SORBS3: variants seen among roughly 807,000 people sequenced by gnomAD.
SORBS3 encodes sorbin and SH3 domain containing 3.
Under a neutral mutation model 98.0 loss-of-function variants are expected in SORBS3, and 69 were observed. The ratio of observed to expected loss-of-function variants is 0.70; its 90% CI spans 0.58 to 0.86. SORBS3 has a LOEUF of 0.86. Ranked by LOEUF, SORBS3 falls within the 40% of genes least tolerant of loss-of-function variation. The pLI, the probability that SORBS3 is intolerant of heterozygous loss-of-function variation, is 0.00. For missense variants in SORBS3, 954 were observed against 908.5 expected (o/e 1.05, Z -0.64); for synonymous variants, 394 against 355.4 (o/e 1.11, Z -1.22).
At chr8:22,548,080 A>G (rs376844387), upstream of SORBS3, among the ~76,000 whole-genome samples, 6 of 152,256 alleles carry the variant, frequency 3.9e-5, no homozygotes, top group East Asian at 1.2e-3. Context: ...CCCAATACCC[A>G]TCATACTTGA....
intron 4 of SORBS3, 44 bp downstream of exon 4, chr8:22,556,952 T>C (rs1359862103): frequency 6.2e-7 from 1 of 1,600,520 alleles, no homozygotes; most frequent in Admixed American, 1.7e-5. Flanking sequence ...GGCCCAGGGA[T>C]CTACAGGGAG....
intron 7 of SORBS3, among the ~76,000 whole-genome samples, chr8:22,562,875 T>G (rs1003025041): frequency 6.6e-5 from 10 of 152,150 alleles, no homozygotes; most frequent in African/African-American, 2.4e-4. Context: ...CCAGCACTTT[T>G]GGAGGCTGAG....
At chr8:22,559,682 A>C (rs982835089) in intron 5 of SORBS3, among the ~76,000 whole-genome samples, 2 of 146,612 alleles carry the variant, frequency 1.4e-5, no homozygotes, top group Non-Finnish European at 1.5e-5. Context: ...CAGCCTGGGC[A>C]ATAGAGCAAG....
chr8:22,572,507 T>C (rs1840615670), intron 20 of SORBS3, 61 bp downstream of exon 20: 2 of 1,304,424 alleles, frequency 1.5e-6, no homozygotes, highest in South Asian at 2.4e-5. Flanking sequence ...TGGGGTGCTG[T>C]TGCCTGCCAG....
In SORBS3 at chr8:22,571,083, T is replaced by A. The variant is rs768548860; in HGVS notation, c.1605T>A (p.Ala535=). 5.6e-6 allele frequency: 9 copies of A among 1,611,696 alleles called. No homozygotes were observed. In the South Asian group the frequency reaches 9.9e-5, roughly 18 times the overall value. The change falls in exon 18 of 21, where the codon GCT becomes GCA. Residue 535 remains alanine (A), a synonymous_variant. Coordinates refer to ENST00000240123, the MANE Select transcript of SORBS3 (RefSeq NM_005775.5). Reference sequence around the variant, plus strand: ...TCCCCACGTCTCCCCGCCTGACCGCTGCCGCCCGCTCAGCCCGTCACCCCA... The same window carrying A: ...TCCCCACGTCTCCCCGCCTGACCGCAGCCGCCCGCTCAGCCCGTCACCCCA... ...PQLPTSPRLT[A]AARSARHPSS... is the part of the protein sequence containing the mutation.
chr8:22,546,074 T>C (rs1434670861), intron 1 of SORBS3, among the ~76,000 whole-genome samples: 2 of 152,226 alleles, frequency 1.3e-5, no homozygotes, highest in African/African-American at 4.8e-5. Context: ...TTGCTTGTGC[T>C]TAGAGATTGC....
chr8:22,565,014 C>A (rs1840375348), intron 10 of SORBS3: 1 of 1,390,594 alleles, frequency 7.2e-7, no homozygotes, highest in Non-Finnish European at 9.3e-7. Context: ...CAGAAACTGG[C>A]AGGACTGCGG....
intron 1 of SORBS3, among the ~76,000 whole-genome samples, chr8:22,553,242 A>G (rs1325700794): frequency 2.0e-5 from 3 of 151,958 alleles, no homozygotes; most frequent in Admixed American, 6.5e-5. Flanking sequence ...CCCAGAAGTC[A>G]TATTCGCAGC....
At position 22,571,145 on chromosome 8, in the gene SORBS3, T is replaced by C. The variant is rs2449331; in HGVS notation, c.1667T>C (p.Ile556Thr). 0.95 allele frequency: 1,513,791 copies of C among 1,596,578 alleles called. 719,426 individuals carry two copies. The highest frequency in any genetic ancestry group is 1 in the East Asian group (44,573 of 44,580). ...GCCCTGCGCAGCCCAGCTGACCCCA[T>C]CGACTTGGGGGGACAGACCTCCCCC... ...PSALRSPADP[I>T]DLGGQTSPRR... is the part of the protein sequence containing the mutation. The change falls in exon 18 of 21, where the codon ATC becomes ACC. Residue 556 changes from isoleucine (I) to threonine (T), a missense_variant. By Grantham distance (89) the Ile-to-Thr change is moderately conservative. Transcript: ENST00000240123.
At position 22,571,647 on chromosome 8, in the gene SORBS3, T is replaced by C. The variant is rs572182794; in HGVS notation, c.1744-71T>C. The C allele has an allele frequency of 9.5e-4, 1,160 of 1,226,346 alleles. 17 individuals are homozygous for C. In the South Asian group the frequency reaches 0.013, roughly 14 times the overall value. 76.0% of individuals were successfully genotyped at this position (1,226,346 alleles called of 1,614,324 possible). A position where few individuals can be genotyped will look rare whatever the true frequency, so the allele number is the denominator to read the frequency against. ...GGACTGGGAACGCCCATTTTGGGCCTCCTCCCTCAGGCTTACATGTACCCA... is the reference window on the plus strand; with the variant it reads ...GGACTGGGAACGCCCATTTTGGGCCCCCTCCCTCAGGCTTACATGTACCCA... On this transcript the variant is annotated intron_variant, in intron 18 of 20. Transcript: ENST00000240123.
rs199563026 is a variant in SORBS3 at position 22,571,034 on chromosome 8, G to A, written c.1556G>A (p.Arg519Gln). 61 of 1,613,454 alleles carry A rather than the reference G, an allele frequency of 3.8e-5. No homozygotes were observed. The highest frequency in any genetic ancestry group is 3.7e-4 in the South Asian group (34 of 91,064). ...CAGGTGTCTCGTGAACCCCGGCTCC[G>A]GCTCTGTGACGACGGCCCCCAGCTC... ...YVQVSREPRL[R>Q]LCDDGPQLPT... Residue 519 changes from arginine to glutamine, a missense_variant, in exon 18 of 21, where the codon CGG becomes CAG. Arg to Gln is a conservative substitution (Grantham distance 43, BLOSUM62 1). Transcript: ENST00000240123.
chr8:22,572,393 G>C lies in SORBS3; in HGVS notation c.1901G>C (p.Arg634Pro), dbSNP rs139476388. 6.5e-5 allele frequency: 105 copies of C among 1,613,964 alleles called. No homozygotes were observed. The highest frequency in any genetic ancestry group is 1.6e-4 in the Middle Eastern group (1 of 6,084). ...CAGAACGAAGACGAGCTGGAGCTGC[G>C]CGAGGGGGACAGGGTGGATGTCATG... Reference protein sequence around the residue: ...RPQNEDELELREGDRVDVMQQ... With the variant: ...RPQNEDELELPEGDRVDVMQQ... The change falls in exon 20 of 21, where the codon CGC becomes CCC. Residue 634 changes from arginine to proline, a missense_variant. Physicochemically the swap from Arg to Pro is moderately radical, Grantham distance 103. Transcript: ENST00000240123.
chr8:22,575,343 G>A lies in SORBS3; in HGVS notation c.*615G>A. On this transcript the variant is annotated 3_prime_UTR_variant, in exon 21 of 21. Transcript: ENST00000240123. ...CTGCCAAGTCCTGGCCCTGGCCCTG[G>A]CATATCACCCCGCACTGTGGGGCCA... is the stretch of plus-strand genomic sequence containing the variant. 4.4e-6 allele frequency: 1 copy of A among 227,480 alleles called. No homozygotes were observed. Among genetic ancestry groups the A allele is most frequent in the Non-Finnish European group, 8.8e-6 (1 of 113,012 alleles). The allele number at this position is 227,480 out of a possible 1,614,324, so 14.1% of individuals were successfully genotyped here. A position where few individuals can be genotyped will look rare whatever the true frequency, so the allele number is the denominator to read the frequency against.
In SORBS3 at chr8:22,574,800, C is replaced by A. The variant is rs776472146; in HGVS notation, c.*72C>A. ...GGTGGCACTCGTGGGAGGGAGAGGA[C>A]CCCCGCCCACATCCTCCTTCCCCAG... On this transcript the variant is annotated 3_prime_UTR_variant, in exon 21 of 21. Coordinates refer to ENST00000240123, the MANE Select transcript of SORBS3 (RefSeq NM_005775.5). 8 of 1,410,890 alleles carry A rather than the reference C, an allele frequency of 5.7e-6. No individual in the cohort carries two copies. Among genetic ancestry groups the A allele is most frequent in the Non-Finnish European group, 7.0e-6 (7 of 996,200 alleles). The allele number at this position is 1,410,890 out of a possible 1,614,324, so 87.4% of individuals were successfully genotyped here.
chr8:22,564,237 C>T (rs750668731), intron 8 of SORBS3, 46 bp from the exon 9 acceptor site: 46 of 1,537,608 alleles, frequency 3.0e-5, no homozygotes, highest in Admixed American at 7.7e-5. Flanking sequence ...TGGCCAGTGT[C>T]CCAGTAGCCC....
chr8:22,569,326 A>G, intron 17 of SORBS3, 53 bp downstream of exon 17: 1 of 1,453,048 alleles, frequency 6.9e-7, no homozygotes, highest in South Asian at 1.4e-5. Context: ...AGATGTAGGT[A>G]AATATGTGCA....
At position 22,574,845 on chromosome 8, in the gene SORBS3, T is replaced by C. The variant is rs953252619; in HGVS notation, c.*117T>C. 1.3e-5 allele frequency: 13 copies of C among 996,672 alleles called. No homozygotes were observed. The highest frequency in any genetic ancestry group is 2.1e-5 in the Non-Finnish European group (13 of 626,636). The allele number at this position is 996,672 out of a possible 1,614,324, so 61.7% of individuals were successfully genotyped here. A position where few individuals can be genotyped will look rare whatever the true frequency, so the allele number is the denominator to read the frequency against. On this transcript the variant is annotated 3_prime_UTR_variant, in exon 21 of 21. Transcript: ENST00000240123. Reference sequence around the variant, plus strand: ...CCCCAGGACCTGAGCTCCCAGCATCTGCAGACGACCCCCGCAGCCTTTCCC... The same window carrying C: ...CCCCAGGACCTGAGCTCCCAGCATCCGCAGACGACCCCCGCAGCCTTTCCC...
chr8:22,552,113 G>A (rs1329666670), intron 1 of SORBS3, 91 bp downstream of exon 1: 2 of 969,152 alleles, frequency 2.1e-6, no homozygotes, highest in Admixed American at 6.1e-5. Flanking sequence ...GCCCCTCCCC[G>A]GGGTCCGCGT....
rs201447660 is a variant in SORBS3 at position 22,566,880 on chromosome 8, C to T, written c.1190+12C>T. The T allele has an allele frequency of 1.0e-4, 160 of 1,604,710 alleles. No homozygotes were observed. The highest frequency in any genetic ancestry group is 1.3e-4 in the Non-Finnish European group (156 of 1,175,636). On this transcript the variant is annotated intron_variant, in intron 15 of 20. Transcript: ENST00000240123. ...GCGCAGTCCCCCAAGTAAGCGCCCT[C>T]CTCCCCCTCCCCTTCCACCCAAGGC...
Sources: gnomAD v4.1 joint callset for allele counts (sites outside exome capture counted in the v4.1 genomes callset) on GRCh38, gnomAD v4.1.1 for gene constraint, MANE v1.5 for transcripts, NCBI Gene and HGNC (gene_info 2026-07-23, HGNC 2026-07-21) for gene names.